NIPAL3: variants seen among roughly 807,000 people sequenced by gnomAD.
NIPAL3 encodes NIPA-like protein 3.
NIPAL3 carries 41 observed loss-of-function variants against 47.2 expected under a neutral mutation model. The ratio of observed to expected loss-of-function variants is 0.87; its 90% CI spans 0.68 to 1.13. NIPAL3 has a LOEUF of 1.13. Ranked by LOEUF, NIPAL3 falls within the 50% of genes most tolerant of loss-of-function variation. NIPAL3 has a pLI of 0.00. For synonymous variants in NIPAL3, 194 were observed against 209.6 expected (o/e 0.93, Z 0.64); for missense variants, 449 against 530.1 (o/e 0.85, Z 1.50).
chr1:24,466,518 A>C (rs570472842), intron 11 of NIPAL3: 1 of 153,906 alleles, frequency 6.5e-6, no homozygotes, highest in East Asian at 1.9e-4. Context: ...CCAATTATGG[A>C]ATTAGCCCTG....
chr1:24,419,816 G>A, intron 2 of NIPAL3, 176 bp downstream of exon 2: 1 of 582,870 alleles, frequency 1.7e-6, no homozygotes, highest in Non-Finnish European at 3.0e-6. Context: ...TGGGCCGGGA[G>A]TGGTGGCTCA....
At position 24,428,994 on chromosome 1, in the gene NIPAL3, C is replaced by T. The variant is rs145213991; in HGVS notation, c.93+9354C>T. Among the ~76,000 whole-genome samples, 71 of 152,296 alleles carry T rather than the reference C, an allele frequency of 4.7e-4. No homozygotes were observed. The East Asian group carries it at 0.012, about 26-fold the overall frequency. On this transcript the variant is annotated intron_variant, in intron 2 of 11. Coordinates refer to ENST00000374399, the MANE Select transcript of NIPAL3 (RefSeq NM_020448.5). ...AGTCTGTGAAGACAGACTAAATCCT[C>T]GTGGATTTAGTCAACCACTCATCTG...
intron 4 of NIPAL3, 100 bp from the exon 5 acceptor site, chr1:24,445,085 A>G: frequency 1.4e-6 from 1 of 740,086 alleles, no homozygotes; most frequent in Non-Finnish European, 2.4e-6. Context: ...AGGAAGTACC[A>G]AGCTCCAATG....
intron 2 of NIPAL3, among the ~76,000 whole-genome samples, chr1:24,428,258 A>AGAGAGAGAGAGAGAG (rs1644698366): frequency 8.4e-6 from 1 of 119,556 alleles, no homozygotes; most frequent in Non-Finnish European, 1.7e-5. Flanking sequence ...CTCAAAAAGA[A>AGAGAGAGAGAGAGAG]AGAGAGAGAG....
chr1:24,436,923 T>C (rs1032721049), intron 2 of NIPAL3, among the ~76,000 whole-genome samples: 40 of 152,248 alleles, frequency 2.6e-4, no homozygotes, highest in Middle Eastern at 3.4e-3. Context: ...AAATGGAAAG[T>C]TATAAAATAA....
At chr1:24,440,677 G>A (rs142825427) in intron 3 of NIPAL3, among the ~76,000 whole-genome samples, 2 of 152,356 alleles carry the variant, frequency 1.3e-5, no homozygotes, top group Non-Finnish European at 2.9e-5. Context: ...TTCACAAGCA[G>A]CTGTGGTGTG....
chr1:24,464,063 C>T lies in NIPAL3; in HGVS notation c.964C>T (p.Arg322Cys), dbSNP rs750710297. Residue 322 changes from arginine (R) to cysteine (C), a missense_variant, in exon 11 of 12, where the codon CGT becomes TGT. Arg to Cys is a radical substitution (Grantham distance 180). Transcript: ENST00000374399. The stretch of plus-strand genomic sequence containing the variant: ...ATTCTTGGGCGTCTTCTTAATCACG[C>T]GTAACAGGAAGAAGCCCATTCCATT... ...IAFLGVFLIT[R>C]NRKKPIPFEP... The T allele has an allele frequency of 1.2e-5, 19 of 1,613,152 alleles. No homozygotes were observed. Among genetic ancestry groups the T allele is most frequent in the East Asian group, 8.9e-5 (4 of 44,874 alleles).
chr1:24,442,634 T>C (rs1274820857), intron 4 of NIPAL3, among the ~76,000 whole-genome samples: 1 of 152,176 alleles, frequency 6.6e-6, no homozygotes, highest in African/African-American at 2.4e-5. Flanking sequence ...CCTTAACCCA[T>C]GCATCTTTTC....
chr1:24,458,847 C>A (rs373160653), intron 8 of NIPAL3, 41 bp from the exon 9 acceptor site: 2 of 1,506,302 alleles, frequency 1.3e-6, no homozygotes, highest in Non-Finnish European at 1.8e-6. Flanking sequence ...GCCTTTCCAA[C>A]GTCTCCACAG....
At chr1:24,428,036 T>G (rs1644679143) in intron 2 of NIPAL3, among the ~76,000 whole-genome samples, 1 of 152,096 alleles carries the variant, frequency 6.6e-6, no homozygotes, top group African/African-American at 2.4e-5. Flanking sequence ...GCCCAGGAGT[T>G]CGAGACCAGC....
chr1:24,468,822 A>G lies in NIPAL3; in HGVS notation c.1022-164A>G, dbSNP rs189574918. 5.9e-5 allele frequency among the ~76,000 whole-genome samples: 9 copies of G among 152,282 alleles called. No homozygotes were observed. In the East Asian group the frequency reaches 1.5e-3, roughly 26 times the overall value. On this transcript the variant is annotated intron_variant, in intron 11 of 11. Coordinates refer to ENST00000374399, the MANE Select transcript of NIPAL3 (RefSeq NM_020448.5). Reference sequence around the variant, plus strand: ...TTAGCAACCGTAATAGTTCCAGTGTATATTTGTGGGTGTTCTCTTTTAAAT... The same window carrying G: ...TTAGCAACCGTAATAGTTCCAGTGTGTATTTGTGGGTGTTCTCTTTTAAAT...
chr1:24,455,346 C>G (rs1646144631), intron 7 of NIPAL3, among the ~76,000 whole-genome samples: 1 of 152,204 alleles, frequency 6.6e-6, no homozygotes, highest in African/African-American at 2.4e-5. Context: ...AATATTAGAA[C>G]TTCAATCATT....
At chr1:24,447,775 G>A (rs1645740806) in intron 5 of NIPAL3, among the ~76,000 whole-genome samples, 2 of 152,216 alleles carry the variant, frequency 1.3e-5, no homozygotes, top group South Asian at 4.1e-4. Flanking sequence ...TGTGTGACTT[G>A]GAAAAAGAAG....
chr1:24,420,736 C>T (rs932955817), intron 2 of NIPAL3, among the ~76,000 whole-genome samples: 5 of 152,054 alleles, frequency 3.3e-5, no homozygotes, highest in Non-Finnish European at 7.4e-5. Context: ...CGAATGATTG[C>T]CCAATAATCC....
intron 10 of NIPAL3, among the ~76,000 whole-genome samples, chr1:24,463,256 A>T (rs2148859221): frequency 6.6e-6 from 1 of 152,334 alleles, no homozygotes; most frequent in East Asian, 1.9e-4. Flanking sequence ...GAAACCAGAC[A>T]TAAAAGAGTA....
intron 11 of NIPAL3, among the ~76,000 whole-genome samples, chr1:24,466,590 C>T (rs1163517276): frequency 6.6e-6 from 1 of 152,182 alleles, no homozygotes; most frequent in African/African-American, 2.4e-5. Context: ...CCAAAAATCA[C>T]CTAGTCCAAG....
At position 24,449,169 on chromosome 1, in the gene NIPAL3, G is replaced by A. The variant is rs1645811523; in HGVS notation, c.395-312G>A. ...TCAATTTCACAAATGAGAAATTTCA[G>A]TATCTGGCTAATGTTCTCTTTCTCC... On this transcript the variant is annotated intron_variant, in intron 5 of 11. Coordinates refer to ENST00000374399, the MANE Select transcript of NIPAL3 (RefSeq NM_020448.5). This position sits in a 1 kb window ranked among gnomAD's most constrained non-coding sequence, Gnocchi z 4.5. Among the ~76,000 whole-genome samples the A allele has an allele frequency of 6.6e-6, 1 of 152,206 alleles. No individual in the cohort carries two copies. The highest frequency in any genetic ancestry group is 2.1e-4 in the South Asian group (1 of 4,832).
intron 2 of NIPAL3, among the ~76,000 whole-genome samples, chr1:24,435,057 A>G (rs896302160): frequency 6.6e-6 from 1 of 152,250 alleles, no homozygotes; most frequent in Admixed American, 6.5e-5. Flanking sequence ...ATAAAGACAG[A>G]CAAATAAATC....
rs796756146 is a variant in NIPAL3, at chr1:24,437,468, T to C, written c.94-2704T>C. Among the ~76,000 whole-genome samples, 62 of 152,300 alleles carry C rather than the reference T, an allele frequency of 4.1e-4. 1 individual carries two copies. The highest frequency in any genetic ancestry group is 1.4e-3 in the African/African-American group (60 of 41,570). Reference sequence around the variant, plus strand: ...TCATGTTTATGAGAAGTTGGGCTAATAATAAACATGTCCCAAAATGCTTTC... The same window carrying C: ...TCATGTTTATGAGAAGTTGGGCTAACAATAAACATGTCCCAAAATGCTTTC... On this transcript the variant is annotated intron_variant, in intron 2 of 11. Coordinates refer to ENST00000374399, the MANE Select transcript of NIPAL3 (RefSeq NM_020448.5).
Sources: gnomAD v4.1 joint callset for allele counts (sites outside exome capture counted in the v4.1 genomes callset) on GRCh38, gnomAD v4.1.1 for gene constraint, Gnocchi (gnomAD v3.1) non-coding constraint, MANE v1.5 for transcripts, NCBI Gene and HGNC (gene_info 2026-07-23, HGNC 2026-07-21) for gene names.